The following SLC8A1 variants were observed in gnomAD, a reference collection of about 807,000 sequenced individuals.
The protein encoded by SLC8A1 is sodium/calcium exchanger 1.
Under a neutral mutation model 68.3 loss-of-function variants are expected in SLC8A1, and 18 were observed. The observed-to-expected ratio is 0.26, with a 90% CI of 0.18 to 0.39. The LOEUF (loss-of-function observed/expected upper bound fraction) is 0.39, where lower values mean the gene tolerates loss of function less well. Among genes scored for constraint, SLC8A1 ranks in the 10% least tolerant of loss-of-function variants. The pLI is 1.00. For synonymous variants in SLC8A1, 475 were observed against 415.5 expected, an observed-to-expected ratio of 1.14 and a Z score of -1.74; for missense variants, 985 against 1,156.7, an observed-to-expected ratio of 0.85 and a Z score of 2.15.
At chr2:40,257,078 T>G (rs1196464434) in intron 2 of SLC8A1, among the ~76,000 whole-genome samples, 3 of 152,186 alleles carry the variant, frequency 2.0e-5, no homozygotes, top group Non-Finnish European at 4.4e-5. Context: ...CAAATATACA[T>G]ATCTGTGTAT....
At position 40,468,465 on chromosome 2, in the gene SLC8A1, T is replaced by C. The variant is rs145546971; in HGVS notation, c.-24-38161A>G. Among the ~76,000 whole-genome samples the C allele has an allele frequency of 2.1e-3, 320 of 152,290 alleles. 13 individuals carry two copies. The East Asian group carries it at 0.059, about 28-fold the overall frequency. ...AATTCTTAGCACGGCTCATTAAGTT[T>C]AAATAAGCGCCTTCTGAAACACGAA... On this transcript the variant is annotated intron_variant, in intron 1 of 7. Transcript: ENST00000402441.
At chr2:40,350,862 TA>T (rs553393194) in intron 2 of SLC8A1, among the ~76,000 whole-genome samples, 47 of 152,184 alleles carry the variant, frequency 3.1e-4, no homozygotes, top group African/African-American at 1.1e-3. Flanking sequence ...AATAATCATG[TA>T]AAGAAAATAT....
At chr2:40,462,898 C>A (rs1271001794) in intron 1 of SLC8A1, among the ~76,000 whole-genome samples, 1 of 152,000 alleles carries the variant, frequency 6.6e-6, no homozygotes, top group East Asian at 1.9e-4. Context: ...TAGTTGCCTG[C>A]TAGCTGTGTT....
chr2:40,393,267 C>T (rs1010544921), intron 2 of SLC8A1, among the ~76,000 whole-genome samples: 1 of 152,008 alleles, frequency 6.6e-6, no homozygotes, highest in Non-Finnish European at 1.5e-5. Context: ...CTCTGTATTA[C>T]TTAGGAAAAA....
At chr2:40,236,327 T>C (rs1480859602) in intron 2 of SLC8A1, among the ~76,000 whole-genome samples, 2 of 152,174 alleles carry the variant, frequency 1.3e-5, no homozygotes, top group African/African-American at 2.4e-5. Context: ...GCTCTTCTTG[T>C]TGAATTGATC....
At chr2:40,306,265 G>A (rs1003791979) in intron 2 of SLC8A1, among the ~76,000 whole-genome samples, 2 of 152,194 alleles carry the variant, frequency 1.3e-5, no homozygotes, top group East Asian at 1.9e-4. Context: ...AAATGGCAGA[G>A]CTGAGAAAAG....
At chr2:40,302,539 C>G (rs1213395953) in intron 2 of SLC8A1, among the ~76,000 whole-genome samples, 1 of 147,680 alleles carries the variant, frequency 6.8e-6, no homozygotes, top group African/African-American at 2.5e-5. Flanking sequence ...TATTTACACA[C>G]ATATCATATA....
At chr2:40,225,727 T>C (rs1244945167) in intron 2 of SLC8A1, among the ~76,000 whole-genome samples, 1 of 152,172 alleles carries the variant, frequency 6.6e-6, no homozygotes, top group Non-Finnish European at 1.5e-5. Context: ...GGGTGGCTGA[T>C]GGAGACAGAT....
chr2:40,377,984 T>A (rs1283327672), intron 2 of SLC8A1, among the ~76,000 whole-genome samples: 3 of 152,176 alleles, frequency 2.0e-5, no homozygotes, highest in Non-Finnish European at 2.9e-5. Flanking sequence ...TCACAGGTTT[T>A]AAAGAAAATT....
intron 2 of SLC8A1, among the ~76,000 whole-genome samples, chr2:40,282,953 T>A (rs2067740283): frequency 6.6e-6 from 1 of 152,202 alleles, no homozygotes; most frequent in Non-Finnish European, 1.5e-5. Flanking sequence ...AATGCCCAAA[T>A]GATCCTGACT....
intron 2 of SLC8A1, chr2:40,177,979 T>C: frequency 1.5e-6 from 1 of 683,880 alleles, no homozygotes; most frequent in Non-Finnish European, 2.6e-6. Context: ...ATGGGCCTCC[T>C]GAAGTATGTA....
At chr2:40,141,198 A>G (rs754300629) in intron 6 of SLC8A1, among the ~76,000 whole-genome samples, 9 of 152,222 alleles carry the variant, frequency 5.9e-5, no homozygotes, top group Non-Finnish European at 1.2e-4. Context: ...TGAGATGGCC[A>G]GCATGGAGCA....
intron 2 of SLC8A1, among the ~76,000 whole-genome samples, chr2:40,203,781 C>T (rs976174915): frequency 6.6e-6 from 1 of 151,980 alleles, no homozygotes; most frequent in South Asian, 2.1e-4. Flanking sequence ...CCATGGCTCA[C>T]TGCAGCCTCA....
At chr2:40,433,575 C>T (rs1242761572) in intron 1 of SLC8A1, among the ~76,000 whole-genome samples, 1 of 152,182 alleles carries the variant, frequency 6.6e-6, no homozygotes, top group Non-Finnish European at 1.5e-5. Context: ...AACAGCACCC[C>T]TGGAGATGTG....
intron 1 of SLC8A1, among the ~76,000 whole-genome samples, chr2:40,450,863 A>G (rs1274160246): frequency 3.3e-5 from 5 of 152,172 alleles, no homozygotes; most frequent in Non-Finnish European, 7.3e-5. Flanking sequence ...TGCTTTGTTA[A>G]ATTTCATCAC....
chr2:40,234,115 C>G (rs962091816), intron 2 of SLC8A1, among the ~76,000 whole-genome samples: 1 of 152,004 alleles, frequency 6.6e-6, no homozygotes, highest in Non-Finnish European at 1.5e-5. Flanking sequence ...CTTTAAAGTA[C>G]TTTTTTCCAA....
intron 1 of SLC8A1, among the ~76,000 whole-genome samples, chr2:40,492,664 C>G (rs1705398837): frequency 6.7e-6 from 1 of 148,556 alleles, no homozygotes; most frequent in African/African-American, 2.5e-5. Flanking sequence ...AACAAACAAC[C>G]CAATCAAAAA....
chr2:40,446,110 A>G lies in SLC8A1; in HGVS notation c.-25+5794T>C, dbSNP rs138217019. The stretch of plus-strand genomic sequence containing the variant: ...CAACTGTAAAAGCACCAGCATAACC[A>G]TTTGGTGCTAAAGAGATAAATAAAA... On this transcript the variant is annotated intron_variant, in intron 1 of 7. Transcript: ENST00000406785. Among the ~76,000 whole-genome samples the G allele has an allele frequency of 4.3e-3, 657 of 152,298 alleles. 4 individuals carry two copies. Among genetic ancestry groups the G allele is most frequent in the African/African-American group, 0.015 (628 of 41,560 alleles).
intron 2 of SLC8A1, among the ~76,000 whole-genome samples, chr2:40,362,049 C>T (rs1295786104): frequency 4.6e-5 from 7 of 151,482 alleles, no homozygotes; most frequent in Non-Finnish European, 8.8e-5. Context: ...CATGCACCAC[C>T]ATGCCCTGCT....
Sources: gnomAD v4.1 joint callset for allele counts (sites outside exome capture counted in the v4.1 genomes callset) on GRCh38, gnomAD v4.1.1 for gene constraint, MANE v1.5 for transcripts, NCBI Gene and HGNC (gene_info 2026-07-23, HGNC 2026-07-21) for gene names.